FYB2: variants seen among roughly 807,000 people sequenced by gnomAD.
The protein encoded by FYB2 is FYN binding protein 2.
A neutral mutation model predicts 94.1 loss-of-function variants in FYB2; 103 were observed. The observed-to-expected ratio is 1.09, with a 90% confidence interval of 0.93 to 1.29. The LOEUF is 1.29. FYB2 is among the 50% of genes most tolerant of loss of function. FYB2 has a pLI of 0.00. For synonymous variants in FYB2, 293 were observed against 287.9 expected, an observed-to-expected ratio of 1.02 and a Z score of -0.18; for missense variants, 896 against 841.5, an observed-to-expected ratio of 1.06 and a Z score of -0.80.
At chr1:56,756,241 A>G (rs1409562762) in intron 6 of FYB2, among the ~76,000 whole-genome samples, 1 of 152,160 alleles carries the variant, frequency 6.6e-6, no homozygotes, top group African/African-American at 2.4e-5. Context: ...AAATCCTATG[A>G]GAAAATATGA....
intron 8 of FYB2, among the ~76,000 whole-genome samples, chr1:56,753,399 T>C (rs1228692800): frequency 6.6e-6 from 1 of 152,104 alleles, no homozygotes; most frequent in Admixed American, 6.6e-5. Context: ...CGAGGTAGAA[T>C]TGGCATGGGA....
chr1:56,734,637 G>A (rs1319366770), intron 15 of FYB2, among the ~76,000 whole-genome samples: 1 of 151,932 alleles, frequency 6.6e-6, no homozygotes, highest in Non-Finnish European at 1.5e-5. Context: ...CACAGGGTGG[G>A]GAACATCACA....
At chr1:56,767,103 A>G (rs1475830593) in intron 5 of FYB2, among the ~76,000 whole-genome samples, 1 of 152,210 alleles carries the variant, frequency 6.6e-6, no homozygotes, top group Non-Finnish European at 1.5e-5. Context: ...TACATGGGGA[A>G]CCTAACACAG....
At chr1:56,750,165 T>A (rs1374207207) in intron 9 of FYB2, among the ~76,000 whole-genome samples, 1 of 151,992 alleles carries the variant, frequency 6.6e-6, no homozygotes, top group South Asian at 2.1e-4. Flanking sequence ...AATTGCAATG[T>A]AAGGCATGGT....
intron 16 of FYB2, among the ~76,000 whole-genome samples, chr1:56,725,720 G>A (rs1644571168): frequency 6.6e-6 from 1 of 151,936 alleles, no homozygotes; most frequent in African/African-American, 2.4e-5. Flanking sequence ...TTACGAGAAG[G>A]GCCATCCAAT....
At chr1:56,759,181 G>A (rs1404550536) in intron 5 of FYB2, among the ~76,000 whole-genome samples, 1 of 152,142 alleles carries the variant, frequency 6.6e-6, no homozygotes, top group Non-Finnish European at 1.5e-5. Context: ...CTTAAATACA[G>A]TTTGAAAACA....
intron 6 of FYB2, among the ~76,000 whole-genome samples, chr1:56,757,360 C>T (rs857106): frequency 0.75 from 114,651 of 151,930 alleles, 44,469 homozygotes; most frequent in African/African-American, 0.94. Context: ...ATAAGAGAAC[C>T]AAAACAGAGA....
At chr1:56,787,980 C>T (rs1488785977) in intron 3 of FYB2, among the ~76,000 whole-genome samples, 1 of 152,138 alleles carries the variant, frequency 6.6e-6, no homozygotes. Context: ...TAGGATAAGA[C>T]TTAAGATGAC....
At chr1:56,801,861 G>T (rs1370649407) in intron 1 of FYB2, among the ~76,000 whole-genome samples, 1 of 152,134 alleles carries the variant, frequency 6.6e-6, no homozygotes, top group Non-Finnish European at 1.5e-5. Context: ...TGTGTAAAAG[G>T]CATGAAATGT....
intron 4 of FYB2, among the ~76,000 whole-genome samples, chr1:56,774,782 C>G (rs1383901782): frequency 2.6e-5 from 4 of 151,812 alleles, no homozygotes; most frequent in Non-Finnish European, 4.4e-5. Context: ...AGAGGAAGAC[C>G]CACCCTTAAT....
chr1:56,739,061 T>A (rs1644892781), intron 13 of FYB2, among the ~76,000 whole-genome samples: 1 of 151,912 alleles, frequency 6.6e-6, no homozygotes. Flanking sequence ...GCTATGTGGA[T>A]GGGATGGTAG....
intron 1 of FYB2, among the ~76,000 whole-genome samples, chr1:56,796,945 C>T (rs1311855280): frequency 1.3e-5 from 2 of 152,096 alleles, no homozygotes; most frequent in Admixed American, 6.6e-5. Flanking sequence ...ATGAGGCAAC[C>T]CCAACCTTTC....
rs749330321 is a variant in FYB2, at chr1:56,720,177, G to A, written c.2127C>T (p.Gly709=). ...AAGATAAGCAAATAAACTTACATTT[G>A]CCTTTAGAATTACGACATATCACTA... The part of the protein sequence containing the change: ...QNLVICRNSK[G]KYGYVLIEHL... Residue 709 remains glycine (G), a synonymous_variant, in exon 18 of 20, where the codon GGC becomes GGT. Coordinates refer to ENST00000343433, the MANE Select transcript of FYB2 (RefSeq NM_001004303.5). 6.2e-7 allele frequency: 1 copy of A among 1,605,918 alleles called. No homozygotes were observed. The highest frequency in any genetic ancestry group is 1.7e-5 in the Admixed American group (1 of 58,636).
rs899103852 is a variant in FYB2 at position 56,723,648 on chromosome 1, C to T, written c.1914G>A (p.Lys638=). 2 of 1,570,924 alleles carry T rather than the reference C, an allele frequency of 1.3e-6. No individual in the cohort carries two copies. The highest frequency in any genetic ancestry group is 1.7e-6 in the Non-Finnish European group (2 of 1,145,820). ...TCATTCTGTTCTTTTCTAAGTTTTG[C>T]TTCTTGGTTTTGAAGAAATTTCTAG... The part of the protein sequence containing the change: ...FSPRNFFKTK[K]QNLEKNRMKR... Residue 638 remains lysine (K), a synonymous_variant, in exon 17 of 20, where the codon AAG becomes AAA. Coordinates refer to ENST00000343433, the MANE Select transcript of FYB2 (RefSeq NM_001004303.5).
intron 4 of FYB2, among the ~76,000 whole-genome samples, chr1:56,769,242 A>G (rs200501415): frequency 1.3e-5 from 2 of 152,062 alleles, no homozygotes; most frequent in East Asian, 1.9e-4. Flanking sequence ...GCCTCGCCAT[A>G]TTGCCCAGGC....
At chr1:56,786,126 A>G (rs1247472601) in intron 4 of FYB2, among the ~76,000 whole-genome samples, 1 of 152,154 alleles carries the variant, frequency 6.6e-6, no homozygotes, top group East Asian at 1.9e-4. Flanking sequence ...AGATCAGCCA[A>G]CTGTTAAGCT....
At chr1:56,751,360 AG>A (rs1291258653) in intron 8 of FYB2, among the ~76,000 whole-genome samples, 157 bp from the exon 9 acceptor site, 1 of 152,060 alleles carries the variant, frequency 6.6e-6, no homozygotes, top group Non-Finnish European at 1.5e-5. Flanking sequence ...AGTTTCCTGA[AG>A]GTGCATACTA....
In FYB2 at chr1:56,726,555, G is replaced by A. The variant is rs2100505441; in HGVS notation, c.1822C>T (p.Pro608Ser). ...KDEDKLKMWK[P>S]KFLTPKEKKE... ...TTTTCCTTTGGTGTCAGAAACTTGG[G>A]CTTCCACATTTTCAGTTTATCTTCA... Residue 608 changes from proline (P) to serine (S), a missense_variant, in exon 16 of 20, where the codon CCC (proline) becomes TCC (serine). Pro to Ser is a moderately conservative substitution (Grantham distance 74, BLOSUM62 -1). Transcript: ENST00000343433. 1 of 1,611,732 alleles carries A rather than the reference G, an allele frequency of 6.2e-7. No individual in the cohort carries two copies. Among genetic ancestry groups the A allele is most frequent in the Non-Finnish European group, 8.5e-7 (1 of 1,178,808 alleles).
intron 4 of FYB2, among the ~76,000 whole-genome samples, chr1:56,783,018 C>T (rs1478084508): frequency 6.6e-6 from 1 of 152,118 alleles, no homozygotes; most frequent in Non-Finnish European, 1.5e-5. Context: ...AGAGGGATGC[C>T]AGCCAGCTTG....
Sources: allele counts gnomAD v4.1 joint callset (sites outside exome capture counted in the v4.1 genomes callset), GRCh38; gene constraint gnomAD v4.1.1; transcripts MANE v1.5; gene names NCBI Gene and HGNC (gene_info 2026-07-23, HGNC 2026-07-21).